TRIP12: variants seen among roughly 807,000 people sequenced by gnomAD.
The protein encoded by TRIP12 is thyroid hormone receptor interactor 12.
Under a neutral mutation model 244.2 loss-of-function variants are expected in TRIP12, and 25 were observed. The observed-to-expected ratio is 0.10, with a 90% CI of 0.07 to 0.14. The LOEUF is 0.14. Ranked by LOEUF, TRIP12 falls within the 10% of genes least tolerant of loss-of-function variation. The pLI is 1.00. For synonymous variants in TRIP12, 905 were observed against 873.1 expected (o/e 1.04, Z -0.64); for missense variants, 1,677 against 2,486.4 (o/e 0.67, Z 6.92).
intron 1 of TRIP12, among the ~76,000 whole-genome samples, chr2:229,903,012 T>TTTTC (rs1553767669): frequency 0.14 from 4,140 of 29,652 alleles, 226 homozygotes; most frequent in African/African-American, 0.29. Flanking sequence ...TTCTTTTTCT[T>TTTTC]TTTTTCTTTT....
intron 39 of TRIP12, 147 bp downstream of exon 39, chr2:229,771,372 T>G (rs1021857443): frequency 9.5e-5 from 57 of 599,876 alleles, no homozygotes; most frequent in African/African-American, 9.2e-4. Context: ...TCAGGCAATT[T>G]CCTTGTCTTT....
chr2:229,799,652 G>A (rs2043749585), intron 21 of TRIP12, among the ~76,000 whole-genome samples: 1 of 152,076 alleles, frequency 6.6e-6, no homozygotes, highest in South Asian at 2.1e-4. Flanking sequence ...GCGGGCGCCT[G>A]TAGTCTCAGC....
rs755722124 is a variant in TRIP12 at position 229,796,608 on chromosome 2, C to T, written c.3799G>A (p.Val1267Ile). 6.3e-7 allele frequency: 1 copy of T among 1,588,888 alleles called. No homozygotes were observed. Among genetic ancestry groups the T allele is most frequent in the Admixed American group, 1.9e-5 (1 of 52,270 alleles). Residue 1267 changes from valine (V) to isoleucine (I), a missense_variant, in exon 25 of 42, where the codon GTA becomes ATA. By Grantham distance (29) the Val-to-Ile change is conservative. Coordinates refer to ENST00000675903, the MANE Select transcript of TRIP12 (RefSeq NM_001348323.3). ...TAACTTACTGGAGAAGAAAAAAATA[C>T]ATGAAGAAATCGCTTTAATCTGATC... ...REIRLKRFLH[V>I]FFSSPLPGEE...
intron 26 of TRIP12, among the ~76,000 whole-genome samples, chr2:229,793,851 T>G (rs1291249430): frequency 2.6e-5 from 2 of 75,538 alleles, no homozygotes; most frequent in Non-Finnish European, 6.1e-5. Flanking sequence ...ACAATGAGTG[T>G]TTTTTTTTTT....
intron 6 of TRIP12, among the ~76,000 whole-genome samples, chr2:229,832,668 T>A (rs537854179): frequency 6.6e-6 from 1 of 152,226 alleles, no homozygotes; most frequent in East Asian, 1.9e-4. Flanking sequence ...TTTGTGACTT[T>A]GAGCATACTT....
rs565609411 is a variant in TRIP12 at position 229,915,591 on chromosome 2, G to C, written c.-50+6289C>G. Among the ~76,000 whole-genome samples, 1,457 of 149,446 alleles carry C rather than the reference G, an allele frequency of 9.7e-3. 12 individuals carry two copies. The highest frequency in any genetic ancestry group is 0.02 in the Middle Eastern group (6 of 294). On this transcript the variant is annotated intron_variant, in intron 1 of 41. Coordinates refer to ENST00000675903, the MANE Select transcript of TRIP12 (RefSeq NM_001348323.3). ...ACTGTGCTAGATGCAGAGATAAAAA[G>C]GGACACTACTTGGGATTAGTGTCCT...
chr2:229,922,552 A>T (rs1259128390), upstream of TRIP12: 1 of 1,614,016 alleles, frequency 6.2e-7, no homozygotes, highest in African/African-American at 1.3e-5. Context: ...TTGAAACTGT[A>T]GGACAAGGCC....
At chr2:229,906,610 C>T (rs926202472) in intron 1 of TRIP12, among the ~76,000 whole-genome samples, 1 of 151,022 alleles carries the variant, frequency 6.6e-6, no homozygotes, top group Non-Finnish European at 1.5e-5. Flanking sequence ...GTCCCAGCTA[C>T]TTGGGAGGCT....
At chr2:229,922,380 A>G, upstream of TRIP12, 2 of 792,752 alleles carry the variant, frequency 2.5e-6, no homozygotes, top group Non-Finnish European at 4.1e-6. Context: ...GGAAGAGGGG[A>G]CGATCGCCCC....
intron 2 of TRIP12, among the ~76,000 whole-genome samples, chr2:229,872,674 C>T (rs1199835209): frequency 6.6e-6 from 1 of 152,090 alleles, no homozygotes; most frequent in Admixed American, 6.6e-5. Flanking sequence ...AACAAAAATA[C>T]AAATACAAAG....
chr2:229,901,820 TAG>T (rs765812200), intron 1 of TRIP12, among the ~76,000 whole-genome samples: 31 of 152,006 alleles, frequency 2.0e-4, no homozygotes, highest in Admixed American at 8.5e-4. Context: ...TAAGAAGAAG[TAG>T]AGACTACAGA....
At chr2:229,864,403 A>G (rs1384726521) in intron 2 of TRIP12, among the ~76,000 whole-genome samples, 1 of 152,190 alleles carries the variant, frequency 6.6e-6, no homozygotes, top group Non-Finnish European at 1.5e-5. Context: ...TAAAAATATA[A>G]TTATTCTTGG....
rs186825246 is a variant in TRIP12, at chr2:229,852,787, G to A, written c.1027+5985C>T. On this transcript the variant is annotated intron_variant, in intron 4 of 41. Coordinates refer to ENST00000675903, the MANE Select transcript of TRIP12 (RefSeq NM_001348323.3). ...GTGCCTCGCCGGGAACTTGTTCATT[G>A]GTCTATCAACAATTGACTAAGCAGC... Among the ~76,000 whole-genome samples, 8 of 152,186 alleles carry A rather than the reference G, an allele frequency of 5.3e-5. No individual in the cohort carries two copies. In the South Asian group the frequency reaches 1.2e-3, roughly 24 times the overall value.
chr2:229,904,174 A>T (rs1373092278), intron 1 of TRIP12, among the ~76,000 whole-genome samples: 2 of 152,236 alleles, frequency 1.3e-5, no homozygotes, highest in Non-Finnish European at 2.9e-5. Flanking sequence ...TAATCCCAGC[A>T]TGGGTGGCCA....
chr2:229,922,750 C>T (rs976384369), upstream of TRIP12: 8 of 801,630 alleles, frequency 1.0e-5, no homozygotes, highest in Admixed American at 2.8e-5. Flanking sequence ...GGAGATTTTC[C>T]TCGTCACCTC....
At chr2:229,851,546 C>T (rs1199153128) in intron 4 of TRIP12, among the ~76,000 whole-genome samples, 1 of 152,152 alleles carries the variant, frequency 6.6e-6, no homozygotes, top group Non-Finnish European at 1.5e-5. Context: ...TGGCAACCCG[C>T]TCGGGTCCCC....
rs368326930 is a variant in TRIP12 at position 229,858,882 on chromosome 2, G to A, written c.917C>T (p.Ala306Val). ...AAGGCTAACTTTAGGGCTGAAACGA[G>A]CAGCCCAATCAAATTTTGAAGAGCC... ...TGGSSKFDWA[A>V]RFSPKVSLPK... The change falls in exon 4 of 42, where the codon GCT (alanine) becomes GTT (valine). Residue 306 changes from alanine to valine, a missense_variant. Ala to Val is a moderately conservative substitution (Grantham distance 64). Around this residue, in one of 11 missense-constraint regions of TRIP12, gnomAD observed 387 missense variants for 392.6 expected, o/e 0.99. Transcript: ENST00000675903. 4 of 1,614,078 alleles carry A rather than the reference G, an allele frequency of 2.5e-6. No homozygotes were observed. In the African/African-American group the frequency reaches 5.3e-5, roughly 22 times the overall value.
At chr2:229,788,546 T>C (rs879155065) in intron 32 of TRIP12, among the ~76,000 whole-genome samples, 4 of 152,222 alleles carry the variant, frequency 2.6e-5, no homozygotes, top group South Asian at 2.1e-4. Flanking sequence ...GCAGATAATT[T>C]TGACTATCCT....
At chr2:229,802,231 C>A in intron 21 of TRIP12, 21 bp downstream of exon 21, 1 of 1,557,962 alleles carries the variant, frequency 6.4e-7, no homozygotes, top group South Asian at 1.2e-5. Flanking sequence ...AAATAAAAAT[C>A]ACAACACAAT....
Sources: allele counts gnomAD v4.1 joint callset (sites outside exome capture counted in the v4.1 genomes callset), GRCh38; gene constraint gnomAD v4.1.1; regional missense constraint gnomAD v4.1.1; transcripts MANE v1.5; gene names NCBI Gene and HGNC (gene_info 2026-07-23, HGNC 2026-07-21).